The following CDK19 variants were observed in gnomAD, a reference collection of about 807,000 sequenced individuals.
CDK19 encodes the protein cyclin dependent kinase 19.
In CDK19, 20 loss-of-function variants were observed where a neutral mutation model predicts 68.3. The ratio of observed to expected loss-of-function variants is 0.29; its 90% CI spans 0.21 to 0.43. The LOEUF is 0.43. Among genes scored for constraint, CDK19 ranks in the 20% least tolerant of loss-of-function variants. The pLI is 1.00. For synonymous variants in CDK19, 221 were observed against 222.8 expected (o/e 0.99, Z 0.07); for missense variants, 339 against 623.5 (o/e 0.54, Z 4.86).
chr6:110,717,421 C>T (rs564974994), intron 2 of CDK19, among the ~76,000 whole-genome samples: 2 of 152,246 alleles, frequency 1.3e-5, no homozygotes, highest in African/African-American at 2.4e-5. Flanking sequence ...GTAGTACATA[C>T]ATTTGTAGTA....
intron 2 of CDK19, among the ~76,000 whole-genome samples, chr6:110,742,106 G>A (rs557610395): frequency 2.0e-5 from 3 of 151,900 alleles, no homozygotes; most frequent in South Asian, 2.1e-4. Flanking sequence ...ACAATGTTGC[G>A]GGAAGTCAGG....
chr6:110,691,743 G>A (rs1028898683), intron 2 of CDK19, among the ~76,000 whole-genome samples: 1 of 151,114 alleles, frequency 6.6e-6, no homozygotes, highest in Non-Finnish European at 1.5e-5. Flanking sequence ...CGCCTCCTGA[G>A]TTCAAGTGAT....
intron 1 of CDK19, among the ~76,000 whole-genome samples, chr6:110,799,097 C>G (rs1441668676): frequency 3.1e-5 from 4 of 128,320 alleles, no homozygotes; most frequent in Non-Finnish European, 6.3e-5. Flanking sequence ...GAGCTGTGAT[C>G]ATGCCACTGC....
intron 1 of CDK19, among the ~76,000 whole-genome samples, chr6:110,762,321 G>T (rs980352824): frequency 3.9e-5 from 6 of 152,106 alleles, no homozygotes; most frequent in African/African-American, 7.2e-5. Context: ...TATCAGACAA[G>T]ATTAAGCTTT....
chr6:110,697,544 A>C (rs1773583018), intron 2 of CDK19, among the ~76,000 whole-genome samples: 1 of 152,176 alleles, frequency 6.6e-6, no homozygotes, highest in South Asian at 2.1e-4. Flanking sequence ...TCCCCTGCTT[A>C]TGGGTGGGTA....
At chr6:110,617,524 C>T (rs747748885) in intron 12 of CDK19, among the ~76,000 whole-genome samples, 2 of 151,978 alleles carry the variant, frequency 1.3e-5, no homozygotes, top group Non-Finnish European at 2.9e-5. Context: ...TGGCTCACGC[C>T]TGTAGTCCCA....
In CDK19 at chr6:110,623,375, GCA is replaced by G; in HGVS notation, c.861-15_861-14del. The G allele has an allele frequency of 6.2e-7, 1 of 1,611,726 alleles. No homozygotes were observed. The highest frequency in any genetic ancestry group is 8.5e-7 in the Non-Finnish European group (1 of 1,178,634). On this transcript the variant is annotated splice_polypyrimidine_tract_variant and intron_variant, in intron 8 of 12. Transcript: ENST00000368911. ...ACTGTTGGCATACCTGCAAGGACACGCACAGTCACACATCACTGGGAACACTC... is the reference window on the plus strand; with the variant it reads ...ACTGTTGGCATACCTGCAAGGACACGCAGTCACACATCACTGGGAACACTC...
At chr6:110,616,610 G>A (rs2114572168) in intron 12 of CDK19, among the ~76,000 whole-genome samples, 1 of 151,776 alleles carries the variant, frequency 6.6e-6, no homozygotes, top group Middle Eastern at 3.4e-3. Flanking sequence ...AGAAGTTGTA[G>A]TGAGTCAAGA....
intron 2 of CDK19, among the ~76,000 whole-genome samples, chr6:110,675,627 CAAAAA>C (rs57966061): frequency 1.2e-4 from 7 of 56,532 alleles, no homozygotes; most frequent in Non-Finnish European, 1.7e-4. Context: ...GACTCCATCT[CAAAAA>C]AAAAAAAAAA....
intron 1 of CDK19, among the ~76,000 whole-genome samples, chr6:110,785,169 T>A (rs1781117806): frequency 6.6e-6 from 1 of 151,520 alleles, no homozygotes. Context: ...TATCCTAGAA[T>A]GTTTATAGAA....
intron 2 of CDK19, among the ~76,000 whole-genome samples, chr6:110,681,790 C>A (rs1028749244): frequency 6.6e-6 from 1 of 152,200 alleles, no homozygotes; most frequent in Non-Finnish European, 1.5e-5. Flanking sequence ...ATGATAACAT[C>A]TTCCATGCCA....
At position 110,673,537 on chromosome 6, in the gene CDK19, TA is replaced by T. The variant is rs536470299; in HGVS notation, c.205-2997del. 2.2e-3 allele frequency among the ~76,000 whole-genome samples: 308 copies of T among 141,544 alleles called. 1 individual carries two copies. Among genetic ancestry groups the T allele is most frequent in the African/African-American group, 6.3e-3 (244 of 38,782 alleles). 92.9% of individuals were successfully genotyped at this position (141,544 alleles called of 152,430 possible). On this transcript the variant is annotated intron_variant, in intron 2 of 12. Coordinates refer to ENST00000368911, the MANE Select transcript of CDK19 (RefSeq NM_015076.5). ...GGAACCACCATATAGGTCATTTTTG[TA>T]AAAAAAAAAAAACTTTTTTTGTAGA...
At chr6:110,708,209 T>C (rs1280959439) in intron 2 of CDK19, among the ~76,000 whole-genome samples, 1 of 152,182 alleles carries the variant, frequency 6.6e-6, no homozygotes, top group Non-Finnish European at 1.5e-5. Flanking sequence ...GTACAGATAC[T>C]TTCCCTCATT....
At chr6:110,699,198 G>T (rs1021951943) in intron 2 of CDK19, among the ~76,000 whole-genome samples, 16 of 152,102 alleles carry the variant, frequency 1.1e-4, no homozygotes, top group African/African-American at 3.9e-4. Context: ...GCCAAGGCAG[G>T]TGGATCACCT....
At chr6:110,780,614 G>A (rs1255232242) in intron 1 of CDK19, among the ~76,000 whole-genome samples, 2 of 151,990 alleles carry the variant, frequency 1.3e-5, no homozygotes, top group African/African-American at 4.8e-5. Context: ...CGGTTGTTCA[G>A]CTGTTCAAGA....
chr6:110,691,401 G>T (rs3000464), intron 2 of CDK19, among the ~76,000 whole-genome samples: 5,021 of 151,758 alleles, frequency 0.033, 264 homozygotes, highest in African/African-American at 0.12. Flanking sequence ...TTGAACCCAG[G>T]AGGTGGAGGT....
intron 5 of CDK19, among the ~76,000 whole-genome samples, chr6:110,633,456 T>C (rs754151614): frequency 6.6e-6 from 1 of 152,164 alleles, no homozygotes; most frequent in Non-Finnish European, 1.5e-5. Flanking sequence ...AATTGGGACA[T>C]TTTTTGCTCC....
intron 2 of CDK19, among the ~76,000 whole-genome samples, chr6:110,732,043 C>T (rs1353297968): frequency 6.6e-6 from 1 of 152,090 alleles, no homozygotes; most frequent in Non-Finnish European, 1.5e-5. Flanking sequence ...AAATTCAGGT[C>T]ACCATTTTTA....
chr6:110,691,617 CTATTT>C (rs1046143716), intron 2 of CDK19, among the ~76,000 whole-genome samples: 23 of 151,546 alleles, frequency 1.5e-4, no homozygotes, highest in Non-Finnish European at 2.4e-4. Flanking sequence ...AACCTCATCT[CTATTT>C]TATTTTATTT....
Sources: allele counts gnomAD v4.1 joint callset (sites outside exome capture counted in the v4.1 genomes callset), GRCh38; gene constraint gnomAD v4.1.1; transcripts MANE v1.5; gene names NCBI Gene and HGNC (gene_info 2026-07-23, HGNC 2026-07-21).